Variants in AGAP1 observed in about 807,000 individuals in gnomAD.
The protein encoded by AGAP1 is ArfGAP with GTPase domain, ankyrin repeat and PH domain 1.
In AGAP1, 29 loss-of-function variants were observed where a neutral mutation model predicts 105.3. The ratio of observed to expected loss-of-function variants is 0.28; its 90% CI spans 0.21 to 0.38. AGAP1 has a LOEUF of 0.38. AGAP1 is among the 10% of genes least tolerant of loss of function. The pLI is 1.00. For synonymous variants in AGAP1, 509 were observed against 485.9 expected (o/e 1.05, Z -0.63); for missense variants, 998 against 1,165.1 (o/e 0.86, Z 2.09).
chr2:235,537,392 A>G (rs1382859107), intron 1 of AGAP1, among the ~76,000 whole-genome samples: 1 of 152,156 alleles, frequency 6.6e-6, no homozygotes, highest in African/African-American at 2.4e-5. Flanking sequence ...GCGTCAGCTC[A>G]GGGAAGCAGG....
intron 9 of AGAP1, among the ~76,000 whole-genome samples, chr2:235,869,554 T>C (rs1014456246): frequency 6.7e-6 from 1 of 150,090 alleles, no homozygotes; most frequent in African/African-American, 2.4e-5. Context: ...TGAGCCAAGA[T>C]CGCGCCACTG....
At position 235,659,992 on chromosome 2, in the gene AGAP1, C is replaced by T. The variant is rs1391354620; in HGVS notation, c.164-49187C>T. Among the ~76,000 whole-genome samples the T allele has an allele frequency of 6.6e-6, 1 of 152,178 alleles. No individual in the cohort carries two copies. The highest frequency in any genetic ancestry group is 2.4e-5 in the African/African-American group (1 of 41,452). ...TCCATGGGCCCCTCAAGGCTGTAGA[C>T]CCCTCTGTCTGACCAGCATCCCATT... is the stretch of plus-strand genomic sequence containing the variant. On this transcript the variant is annotated intron_variant, in intron 1 of 17. Transcript: ENST00000304032. This position sits in a 1 kb window ranked among gnomAD's most constrained non-coding sequence, Gnocchi z 5.0.
At position 235,904,266 on chromosome 2, in the gene AGAP1, C is replaced by CAG. The variant is rs1050889773; in HGVS notation, c.1156-4471_1156-4470dup. ...TGGCAAAGGTGCCGGAGCAGGGTTG[C>CAG]AGGGGGACAGCGAGGCACAGTTACC... On this transcript the variant is annotated intron_variant, in intron 10 of 17. Coordinates refer to ENST00000304032, the MANE Select transcript of AGAP1 (RefSeq NM_001037131.3). The surrounding 1 kb of genome is among the most constrained non-coding windows in gnomAD (Gnocchi z 4.2). Among the ~76,000 whole-genome samples the CAG allele has an allele frequency of 2.2e-4, 33 of 152,176 alleles. No homozygotes were observed. Among genetic ancestry groups the CAG allele is most frequent in the African/African-American group, 7.7e-4 (32 of 41,450 alleles).
chr2:235,838,927 CT>C (rs1420954968), intron 9 of AGAP1, among the ~76,000 whole-genome samples: 2 of 152,102 alleles, frequency 1.3e-5, no homozygotes, highest in Non-Finnish European at 2.9e-5. Context: ...GTGCCTAAGA[CT>C]TTCTGGTGAA....
rs1326814235 is a variant in AGAP1, at chr2:236,090,799, G to T, written c.2115-29393G>T. 6.6e-6 allele frequency among the ~76,000 whole-genome samples: 1 copy of T among 152,188 alleles called. No homozygotes were observed. The highest frequency in any genetic ancestry group is 2.4e-5 in the African/African-American group (1 of 41,442). ...TTGTTGCCCAGCCTGGAGTGCAGTGGCACGATCTTGGCTCACTGCAACCCC... is the reference window on the plus strand; with the variant it reads ...TTGTTGCCCAGCCTGGAGTGCAGTGTCACGATCTTGGCTCACTGCAACCCC... On this transcript the variant is annotated intron_variant, in intron 16 of 17. Coordinates refer to ENST00000304032, the MANE Select transcript of AGAP1 (RefSeq NM_001037131.3). The surrounding 1 kb of genome is among the most constrained non-coding windows in gnomAD (Gnocchi z 4.3).
In AGAP1 at chr2:235,700,741, A is replaced by G. The variant is rs1342345322; in HGVS notation, c.164-8438A>G. Among the ~76,000 whole-genome samples the G allele has an allele frequency of 1.3e-5, 2 of 151,960 alleles. No individual in the cohort carries two copies. Among genetic ancestry groups the G allele is most frequent in the African/African-American group, 4.8e-5 (2 of 41,382 alleles). On this transcript the variant is annotated intron_variant, in intron 1 of 17. Coordinates refer to ENST00000304032, the MANE Select transcript of AGAP1 (RefSeq NM_001037131.3). This position sits in a 1 kb window ranked among gnomAD's most constrained non-coding sequence, Gnocchi z 6.1. ...CTTGAACCCTGGAGGCATAGGTTGC[A>G]GTGAGCCAAGATTGTGCCACTGCAC...
At chr2:235,584,902 C>CTTTTTT (rs10629736) in intron 1 of AGAP1, among the ~76,000 whole-genome samples, 4 of 98,516 alleles carry the variant, frequency 4.1e-5, no homozygotes, top group Admixed American at 1.3e-4. Flanking sequence ...AAGTCATTAC[C>CTTTTTT]TTTTTTTTTT....
intron 9 of AGAP1, among the ~76,000 whole-genome samples, chr2:235,818,924 T>C (rs571078184): frequency 6.6e-6 from 1 of 152,188 alleles, no homozygotes; most frequent in East Asian, 1.9e-4. Flanking sequence ...CAGTGTACTT[T>C]CCTGGTGGGG....
chr2:235,972,488 T>C (rs2054690640), intron 13 of AGAP1, among the ~76,000 whole-genome samples: 1 of 152,124 alleles, frequency 6.6e-6, no homozygotes, highest in Admixed American at 6.5e-5. Context: ...AAAGTGGGTT[T>C]GGTGTAGAAC....
At chr2:235,742,400 C>G (rs954949585) in intron 4 of AGAP1, among the ~76,000 whole-genome samples, 1 of 152,186 alleles carries the variant, frequency 6.6e-6, no homozygotes, top group Non-Finnish European at 1.5e-5. Context: ...TAGGTGCATT[C>G]TGATTTCAAA....
At chr2:235,536,672 C>T (rs894790651) in intron 1 of AGAP1, among the ~76,000 whole-genome samples, 30 of 139,790 alleles carry the variant, frequency 2.1e-4, no homozygotes, top group African/African-American at 7.4e-4. Flanking sequence ...CACACACACA[C>T]ACACACCCCT....
At position 235,799,889 on chromosome 2, in the gene AGAP1, A is replaced by G. The variant is rs1048896907; in HGVS notation, c.957+367A>G. 2.6e-5 allele frequency among the ~76,000 whole-genome samples: 4 copies of G among 151,928 alleles called. No individual in the cohort carries two copies. Among genetic ancestry groups the G allele is most frequent in the Admixed American group, 2.0e-4 (3 of 15,250 alleles). On this transcript the variant is annotated intron_variant, in intron 8 of 17. Coordinates refer to ENST00000304032, the MANE Select transcript of AGAP1 (RefSeq NM_001037131.3). This position sits in a 1 kb window ranked among gnomAD's most constrained non-coding sequence, Gnocchi z 5.0. Reference sequence around the variant, plus strand: ...TAACCGTTCAGATGATATATAAGCTATTACTGTCCACAGGCCCTCTTCTTC... The same window carrying G: ...TAACCGTTCAGATGATATATAAGCTGTTACTGTCCACAGGCCCTCTTCTTC...
rs534853668 is a variant in AGAP1 at position 235,716,619 on chromosome 2, G to A, written c.223-938G>A. Among the ~76,000 whole-genome samples the A allele has an allele frequency of 6.6e-6, 1 of 152,246 alleles. No homozygotes were observed. The highest frequency in any genetic ancestry group is 1.9e-4 in the East Asian group (1 of 5,158). On this transcript the variant is annotated intron_variant, in intron 2 of 17. Transcript: ENST00000304032. This position sits in a 1 kb window ranked among gnomAD's most constrained non-coding sequence, Gnocchi z 4.0. ...AATCGATTAGATCATGCTTAAATTT[G>A]ATCACTAGCGATGTTCTAGTGGGGG... is the stretch of plus-strand genomic sequence containing the variant.
At chr2:235,863,995 G>A (rs903669770) in intron 9 of AGAP1, among the ~76,000 whole-genome samples, 2 of 152,182 alleles carry the variant, frequency 1.3e-5, no homozygotes, top group Non-Finnish European at 2.9e-5. Flanking sequence ...TTATGCGGAG[G>A]ACTTGTAAAT....
intron 9 of AGAP1, among the ~76,000 whole-genome samples, chr2:235,829,062 G>T (rs1463021267): frequency 6.6e-6 from 1 of 152,198 alleles, no homozygotes; most frequent in Non-Finnish European, 1.5e-5. Flanking sequence ...CAACATTTGG[G>T]CTACTGGGTA....
intron 10 of AGAP1, among the ~76,000 whole-genome samples, chr2:235,898,031 T>C (rs1263604399): frequency 6.6e-6 from 1 of 152,178 alleles, no homozygotes. Context: ...CCTCGATGGC[T>C]GGGAGGGCCA....
rs539108244 is a variant in AGAP1 at position 235,843,743 on chromosome 2, A to G, written c.1050+36412A>G. 6.6e-6 allele frequency among the ~76,000 whole-genome samples: 1 copy of G among 152,124 alleles called. No individual in the cohort carries two copies. The highest frequency in any genetic ancestry group is 2.1e-4 in the South Asian group (1 of 4,800). On this transcript the variant is annotated intron_variant, in intron 9 of 17. Transcript: ENST00000304032. The surrounding 1 kb of genome is among the most constrained non-coding windows in gnomAD (Gnocchi z 5.9). ...TCTCATCAGCCTAGCTCCCGGCAGGACCTCCCCACTGGACTTTTCCAAGAT... is the reference window on the plus strand; with the variant it reads ...TCTCATCAGCCTAGCTCCCGGCAGGGCCTCCCCACTGGACTTTTCCAAGAT...
rs1021472243 is a variant in AGAP1 at position 235,736,458 on chromosome 2, G to C, written c.311-4505G>C. ...GGGCCATGGGCCAAGCTGTGCACCAGGTGCTGGGAGGATACCGGTGGGCGA... is the reference window on the plus strand; with the variant it reads ...GGGCCATGGGCCAAGCTGTGCACCACGTGCTGGGAGGATACCGGTGGGCGA... On this transcript the variant is annotated intron_variant, in intron 3 of 17. Coordinates refer to ENST00000304032, the MANE Select transcript of AGAP1 (RefSeq NM_001037131.3). The surrounding 1 kb of genome is among the most constrained non-coding windows in gnomAD (Gnocchi z 5.5). Among the ~76,000 whole-genome samples the C allele has an allele frequency of 6.6e-6, 1 of 152,178 alleles. No homozygotes were observed. The highest frequency in any genetic ancestry group is 1.5e-5 in the Non-Finnish European group (1 of 68,028).
intron 13 of AGAP1, among the ~76,000 whole-genome samples, chr2:235,997,383 A>G (rs13013244): frequency 0.66 from 100,178 of 152,190 alleles, 34,379 homozygotes; most frequent in African/African-American, 0.87. Flanking sequence ...CACCGTGCCC[A>G]GCCTAATGAA....
Sources: gnomAD v4.1 joint callset for allele counts (sites outside exome capture counted in the v4.1 genomes callset) on GRCh38, gnomAD v4.1.1 for gene constraint, Gnocchi (gnomAD v3.1) non-coding constraint, MANE v1.5 for transcripts, NCBI Gene and HGNC (gene_info 2026-07-23, HGNC 2026-07-21) for gene names.